The following TRMT44 variants were observed in gnomAD, a reference collection of about 807,000 sequenced individuals.
TRMT44 encodes tRNA methyltransferase 44 homolog.
A neutral mutation model predicts 77.3 loss-of-function variants in TRMT44; 78 were observed. The ratio of observed to expected loss-of-function variants is 1.01; its 90% CI spans 0.84 to 1.22. The LOEUF (loss-of-function observed/expected upper bound fraction) is 1.22, where lower values mean the gene tolerates loss of function less well. Ranked by LOEUF, TRMT44 falls within the 50% of genes most tolerant of loss-of-function variation. The pLI, the probability that TRMT44 is intolerant of heterozygous loss-of-function variation, is 0.00. For missense variants in TRMT44, 1,090 were observed against 964.4 expected, an observed-to-expected ratio of 1.13 and a Z score of -1.73; for synonymous variants, 391 against 383.3, an observed-to-expected ratio of 1.02 and a Z score of -0.23.
chr4:8,441,346 C>G lies in TRMT44; in HGVS notation c.524C>G (p.Ala175Gly). 6.5e-7 allele frequency: 1 copy of G among 1,535,094 alleles called. No homozygotes were observed. The highest frequency in any genetic ancestry group is 8.7e-7 in the Non-Finnish European group (1 of 1,146,354). Residue 175 changes from alanine (A) to glycine (G), a missense_variant, in exon 1 of 11, where the codon GCG becomes GGG. Coordinates refer to ENST00000389737, the MANE Select transcript of TRMT44 (RefSeq NM_152544.3). ...TCCGGGGCGGGATCGCAGCCAGAGGCGCAGCGTGAGCTCGACGTGGTTCTC... is the reference window on the plus strand; with the variant it reads ...TCCGGGGCGGGATCGCAGCCAGAGGGGCAGCGTGAGCTCGACGTGGTTCTC... ...TSSGAGSQPE[A>G]QRELDVVLRT...
chr4:8,484,100 A>G (rs2631742), intron 2 of TRMT44, among the ~76,000 whole-genome samples: 43,940 of 152,046 alleles, frequency 0.29, 7,201 homozygotes, highest in Admixed American at 0.4. Flanking sequence ...GGCTTGTACT[A>G]TAGCATAGCC....
At position 8,449,767 on chromosome 4, in the gene TRMT44, T is replaced by G; in HGVS notation, c.833T>G (p.Leu278Trp). The change falls in exon 3 of 11, where the codon TTG becomes TGG. Residue 278 changes from leucine (L) to tryptophan (W), a missense_variant. By Grantham distance (61) the Leu-to-Trp change is moderately conservative. Coordinates refer to ENST00000389737, the MANE Select transcript of TRMT44 (RefSeq NM_152544.3). ...TWLGEELLAK[L>W]AKWSVENKKS... ...CTTGGAGAAGAGTTGCTGGCCAAGT[T>G]GGCCAAGTGGTCTGTAGAGAACAAG... 1 of 1,536,052 alleles carries G rather than the reference T, an allele frequency of 6.5e-7. No individual in the cohort carries two copies. The highest frequency in any genetic ancestry group is 8.7e-7 in the Non-Finnish European group (1 of 1,146,898).
chr4:8,452,082 C>A lies in TRMT44; in HGVS notation c.1023+54C>A. 1.4e-6 allele frequency: 2 copies of A among 1,420,568 alleles called. No individual in the cohort carries two copies. The highest frequency in any genetic ancestry group is 1.9e-6 in the Non-Finnish European group (2 of 1,041,516). 88.0% of individuals were successfully genotyped at this position (1,420,568 alleles called of 1,614,324 possible). A position where few individuals can be genotyped will look rare whatever the true frequency, so the allele number is the denominator to read the frequency against. ...TGGAGTGGGTGGAGTTTGCTACAGG[C>A]AGATGTTCCCTGTAGTGAAGGACAT... On this transcript the variant is annotated intron_variant, in intron 4 of 10. Coordinates refer to ENST00000389737, the MANE Select transcript of TRMT44 (RefSeq NM_152544.3). The surrounding 1 kb of genome is among the most constrained non-coding windows in gnomAD (Gnocchi z 5.7).
At chr4:8,448,651 A>C (rs895884082) in intron 2 of TRMT44, among the ~76,000 whole-genome samples, 1 of 152,242 alleles carries the variant, frequency 6.6e-6, no homozygotes, top group African/African-American at 2.4e-5. Context: ...CAGACCTCAC[A>C]GTCCCGAGCA....
At chr4:8,478,423 A>C (rs1341794363), downstream of TRMT44, 1 of 152,678 alleles carries the variant, frequency 6.5e-6, no homozygotes, top group Admixed American at 6.5e-5. Flanking sequence ...CAGCTGGTAG[A>C]AACAGCCCTT....
At chr4:8,456,463 T>C (rs1012676194) in intron 6 of TRMT44, among the ~76,000 whole-genome samples, 1 of 151,864 alleles carries the variant, frequency 6.6e-6, no homozygotes, top group African/African-American at 2.4e-5. Flanking sequence ...AGTTCCTTGA[T>C]ATGTCTTATA....
chr4:8,462,026 C>G (rs1414399444), intron 6 of TRMT44, among the ~76,000 whole-genome samples: 1 of 152,228 alleles, frequency 6.6e-6, no homozygotes. Context: ...TTTATAACAA[C>G]AGCCTGGTGG....
At chr4:8,462,717 A>G (rs961541970) in intron 6 of TRMT44, among the ~76,000 whole-genome samples, 2 of 152,112 alleles carry the variant, frequency 1.3e-5, no homozygotes, top group African/African-American at 4.8e-5. Flanking sequence ...AACAACAACA[A>G]CAAAACAAAA....
At chr4:8,508,751 G>C in the TRMT44 span, 1 of 152,332 alleles carries the variant, frequency 6.6e-6, no homozygotes. Flanking sequence ...ACATCCCAAG[G>C]CTTTGGTCTG....
downstream of TRMT44, among the ~76,000 whole-genome samples, chr4:8,481,190 C>T (rs1395014580): frequency 1.3e-5 from 2 of 152,220 alleles, no homozygotes; most frequent in East Asian, 3.8e-4. Context: ...ACAAACTCAA[C>T]CAATTGTCAA....
At position 8,452,665 on chromosome 4, in the gene TRMT44, C is replaced by T. The variant is rs988235575; in HGVS notation, c.1024-217C>T. ...AGGAGAATTGCTTGAACCCAGGAGG[C>T]GGAGGTTGCAGTGACCAGAGATTGC... is the stretch of plus-strand genomic sequence containing the variant. On this transcript the variant is annotated intron_variant, in intron 4 of 10. Coordinates refer to ENST00000389737, the MANE Select transcript of TRMT44 (RefSeq NM_152544.3). This position sits in a 1 kb window ranked among gnomAD's most constrained non-coding sequence, Gnocchi z 5.7. Among the ~76,000 whole-genome samples the T allele has an allele frequency of 1.3e-5, 2 of 151,492 alleles. No homozygotes were observed. The highest frequency in any genetic ancestry group is 4.9e-5 in the African/African-American group (2 of 41,172).
chr4:8,454,825 A>G lies in TRMT44; in HGVS notation c.1203+12A>G, dbSNP rs1284423746. 1 of 1,613,716 alleles carries G rather than the reference A, an allele frequency of 6.2e-7. No individual in the cohort carries two copies. The highest frequency in any genetic ancestry group is 1.7e-5 in the Admixed American group (1 of 59,998). ...AAACTCAGTTAGAGGTACCGTCTTTATTACGCATGCCCTTGATCTCAGCAT... is the reference window on the plus strand; with the variant it reads ...AAACTCAGTTAGAGGTACCGTCTTTGTTACGCATGCCCTTGATCTCAGCAT... On this transcript the variant is annotated intron_variant, in intron 6 of 10. Coordinates refer to ENST00000389737, the MANE Select transcript of TRMT44 (RefSeq NM_152544.3).
At chr4:8,475,663 C>A in intron 10 of TRMT44, 109 bp from the exon 11 acceptor site, 3 of 993,000 alleles carry the variant, frequency 3.0e-6, no homozygotes, top group South Asian at 1.5e-5. Flanking sequence ...CGGTTGTATC[C>A]CTGACCCTGG....
chr4:8,455,409 C>T (rs73213403), intron 6 of TRMT44, among the ~76,000 whole-genome samples: 4,041 of 152,276 alleles, frequency 0.027, 99 homozygotes, highest in African/African-American at 0.067. Context: ...TGCCCCCTGG[C>T]GGGATCACCT....
At chr4:8,515,214 G>A in the TRMT44 span, among the ~76,000 whole-genome samples, 68 of 152,214 alleles carry the variant, frequency 4.5e-4, 2 homozygotes, top group East Asian at 0.011. Context: ...CAATCCTCCC[G>A]CCTTGGCCTC....
chr4:8,505,133 A>C, the TRMT44 span, among the ~76,000 whole-genome samples: 3 of 152,274 alleles, frequency 2.0e-5, no homozygotes, highest in African/African-American at 7.2e-5. Context: ...CAGCCTCTCT[A>C]GGTCCCTGTC....
intron 6 of TRMT44, among the ~76,000 whole-genome samples, chr4:8,455,250 G>A (rs1579052425): frequency 6.6e-6 from 1 of 152,240 alleles, no homozygotes; most frequent in Non-Finnish European, 1.5e-5. Flanking sequence ...CACAAAGGGC[G>A]GTGGCTGTGC....
intron 7 of TRMT44, 61 bp downstream of exon 7, chr4:8,464,152 G>A: frequency 7.1e-7 from 1 of 1,404,970 alleles, no homozygotes; most frequent in Non-Finnish European, 1.0e-6. Context: ...CTAAACAGTG[G>A]TGTCCAAAAG....
chr4:8,484,005 G>C lies in TRMT44; in HGVS notation n.3891+4472G>C, dbSNP rs540773009. On this transcript the variant is annotated intron_variant and non_coding_transcript_variant, in intron 2 of 2. Coordinates refer to the TRMT44 transcript ENST00000511366. ...CCTGAATAATCCCTGAGGAGTAGTAGAATAGCAGATGGAACACTGAGAAGT... is the reference window on the plus strand; with the variant it reads ...CCTGAATAATCCCTGAGGAGTAGTACAATAGCAGATGGAACACTGAGAAGT... 3.9e-5 allele frequency among the ~76,000 whole-genome samples: 6 copies of C among 152,300 alleles called. No individual in the cohort carries two copies. The South Asian group carries it at 1.2e-3, about 32-fold the overall frequency.
Sources: allele counts gnomAD v4.1 joint callset (sites outside exome capture counted in the v4.1 genomes callset), GRCh38; gene constraint gnomAD v4.1.1; non-coding constraint Gnocchi (gnomAD v3.1); transcripts MANE v1.5; gene names NCBI Gene and HGNC (gene_info 2026-07-23, HGNC 2026-07-21).